TENM3: variants seen among roughly 807,000 people sequenced by gnomAD.
The protein encoded by TENM3 is teneurin transmembrane protein 3.
A neutral mutation model predicts 255.1 loss-of-function variants in TENM3; 63 were observed. That is an observed-to-expected ratio of 0.25 (90% CI 0.20 to 0.30). TENM3 has a LOEUF of 0.30. Among genes scored for constraint, TENM3 ranks in the 10% least tolerant of loss-of-function variants. TENM3 has a pLI of 1.00. For missense variants in TENM3, 2,929 were observed against 3,461.1 expected (o/e 0.85, Z 3.86); for synonymous variants, 1,306 against 1,322.3 (o/e 0.99, Z 0.27).
At chr4:182,610,526 T>A (rs756277408) in intron 4 of TENM3, among the ~76,000 whole-genome samples, 1 of 152,016 alleles carries the variant, frequency 6.6e-6, no homozygotes, top group Non-Finnish European at 1.5e-5. Context: ...GACAAAAAAA[T>A]AAAAACCTTA....
At chr4:181,659,049 C>T in the TENM3 span, among the ~76,000 whole-genome samples, 1 of 152,160 alleles carries the variant, frequency 6.6e-6, no homozygotes, top group African/African-American at 2.4e-5. Flanking sequence ...TTAAAGGGAA[C>T]AGATTGATAA....
intron 2 of TENM3, among the ~76,000 whole-genome samples, chr4:182,339,701 C>T (rs1206257359): frequency 2.0e-5 from 3 of 152,096 alleles, no homozygotes; most frequent in East Asian, 1.9e-4. Context: ...TGTGACTCAC[C>T]GCGGTGCTGC....
At chr4:181,989,644 T>C in the TENM3 span, among the ~76,000 whole-genome samples, 1 of 152,190 alleles carries the variant, frequency 6.6e-6, no homozygotes, top group African/African-American at 2.4e-5. Flanking sequence ...CCAAACTGGC[T>C]GTCTATGCAC....
the TENM3 span, among the ~76,000 whole-genome samples, chr4:181,728,172 A>G: frequency 2.0e-5 from 3 of 152,176 alleles, no homozygotes; most frequent in Non-Finnish European, 4.4e-5. Flanking sequence ...TTTCTACCTG[A>G]TATTAATATC....
chr4:181,481,675 C>A, the TENM3 span, among the ~76,000 whole-genome samples: 12 of 152,238 alleles, frequency 7.9e-5, 1 homozygote, highest in African/African-American at 2.9e-4. Flanking sequence ...GTTTCAGTAC[C>A]TTCTCTCTTC....
Position 182,201,391 on chromosome 4 carries a change from C to T in TENM3, c.-76+56637C>T, listed in dbSNP as rs150383093. Among the ~76,000 whole-genome samples the T allele has an allele frequency of 2.6e-4, 39 of 152,226 alleles. No individual in the cohort carries two copies. In the East Asian group the frequency reaches 7.3e-3, roughly 29 times the overall value. On this transcript the variant is annotated intron_variant, in intron 1 of 2. Transcript: ENST00000512480. ...AATCTCAGTGTTTAAGTTAGTAAAA[C>T]AGACACATTTTCGATTAAGATGAAC...
chr4:181,790,918 C>T, the TENM3 span, among the ~76,000 whole-genome samples: 1 of 152,168 alleles, frequency 6.6e-6, no homozygotes, highest in Non-Finnish European at 1.5e-5. Flanking sequence ...CCTACTTAGT[C>T]CTAGGGTTCA....
chr4:181,933,523 A>G, the TENM3 span, among the ~76,000 whole-genome samples: 47 of 152,156 alleles, frequency 3.1e-4, no homozygotes, highest in Non-Finnish European at 5.9e-4. Context: ...GCACCATATT[A>G]TATTCAGAGA....
the TENM3 span, among the ~76,000 whole-genome samples, chr4:182,038,591 G>A: frequency 1.3e-5 from 2 of 152,090 alleles, no homozygotes; most frequent in Non-Finnish European, 2.9e-5. Context: ...GCACTTCACC[G>A]AGCCTATGAC....
chr4:182,551,040 G>A (rs1487844293), intron 3 of TENM3, among the ~76,000 whole-genome samples: 1 of 152,066 alleles, frequency 6.6e-6, no homozygotes, highest in East Asian at 1.9e-4. Flanking sequence ...GGTCAACACA[G>A]TGAAACACTG....
At chr4:182,636,609 C>T (rs1288745436) in intron 5 of TENM3, among the ~76,000 whole-genome samples, 8 of 151,384 alleles carry the variant, frequency 5.3e-5, no homozygotes, top group Admixed American at 2.6e-4. Context: ...CCCAGCTACT[C>T]GGGAGGCTGA....
At chr4:181,878,450 G>A in the TENM3 span, among the ~76,000 whole-genome samples, 25 of 152,048 alleles carry the variant, frequency 1.6e-4, no homozygotes, top group African/African-American at 5.3e-4. Flanking sequence ...TAACCTATTC[G>A]ACTCTTTAGT....
chr4:182,421,192 CT>C (rs1206384251), intron 3 of TENM3, among the ~76,000 whole-genome samples: 53 of 152,288 alleles, frequency 3.5e-4, no homozygotes, highest in African/African-American at 1.1e-3. Flanking sequence ...TCCTCACCCC[CT>C]CTTCATCTTC....
chr4:181,516,292 A>G, the TENM3 span, among the ~76,000 whole-genome samples: 31,059 of 151,402 alleles, frequency 0.21, 4,116 homozygotes, highest in Non-Finnish European at 0.3. Context: ...TGATAGGTAC[A>G]GCCAACCACC....
chr4:182,098,079 A>C, the TENM3 span, among the ~76,000 whole-genome samples: 2 of 152,244 alleles, frequency 1.3e-5, no homozygotes, highest in Non-Finnish European at 1.5e-5. Context: ...GTATATGAAA[A>C]AAAAGCTCAA....
At chr4:182,170,002 T>C (rs1751992893) in intron 1 of TENM3, among the ~76,000 whole-genome samples, 1 of 151,340 alleles carries the variant, frequency 6.6e-6, no homozygotes, top group African/African-American at 2.4e-5. Context: ...TGTACTTTCA[T>C]TGAAGAATGA....
In TENM3 at chr4:182,353,664, TATA is replaced by T. The variant is rs538397298; in HGVS notation, c.511+6740_511+6742del. On this transcript the variant is annotated intron_variant, in intron 3 of 27. Coordinates refer to ENST00000511685, the MANE Select transcript of TENM3 (RefSeq NM_001080477.4). Reference sequence around the variant, plus strand: ...TGGGTATGTACAAGTCACTTTTTAGTATAATAAGTTATGATTTAACTGGCTGGG... The same window carrying T: ...TGGGTATGTACAAGTCACTTTTTAGTATAAGTTATGATTTAACTGGCTGGG... Among the ~76,000 whole-genome samples the T allele has an allele frequency of 4.9e-3, 752 of 152,322 alleles. 6 individuals are homozygous for T. The highest frequency in any genetic ancestry group is 0.018 in the African/African-American group (734 of 41,562).
chr4:182,340,618 T>C (rs1212042735), intron 2 of TENM3, among the ~76,000 whole-genome samples: 2 of 152,182 alleles, frequency 1.3e-5, no homozygotes, highest in African/African-American at 4.8e-5. Flanking sequence ...ACATAAAAGG[T>C]TAAAGAGTTT....
chr4:181,906,377 G>A, the TENM3 span: 2 of 209,280 alleles, frequency 9.6e-6, no homozygotes, highest in Non-Finnish European at 2.1e-5. Flanking sequence ...CTCTCCCGAA[G>A]GTTTCCAACA....
Sources: gnomAD v4.1 joint callset for allele counts (sites outside exome capture counted in the v4.1 genomes callset) on GRCh38, gnomAD v4.1.1 for gene constraint, MANE v1.5 for transcripts, NCBI Gene and HGNC (gene_info 2026-07-23, HGNC 2026-07-21) for gene names.